Variants in CMTM8 observed in about 807,000 individuals in gnomAD.
CMTM8 encodes CKLF-like MARVEL transmembrane domain-containing protein 8.
Under a neutral mutation model 18.6 loss-of-function variants are expected in CMTM8, and 12 were observed. The ratio of observed to expected loss-of-function variants is 0.65; its 90% CI spans 0.41 to 1.05. CMTM8 has a LOEUF of 1.05. CMTM8 is among the 50% of genes least tolerant of loss of function. The pLI, the probability that CMTM8 is intolerant of heterozygous loss-of-function variation, is 0.00. For synonymous variants in CMTM8, 87 were observed against 90.6 expected, an observed-to-expected ratio of 0.96 and a Z score of 0.23; for missense variants, 217 against 227.2, an observed-to-expected ratio of 0.95 and a Z score of 0.29.
chr3:32,331,563 AG>A (rs1217911826), intron 1 of CMTM8, among the ~76,000 whole-genome samples: 25 of 151,728 alleles, frequency 1.6e-4, no homozygotes, highest in African/African-American at 6.1e-4. Context: ...AAAAAAAAAA[AG>A]GATCTTGAGA....
In CMTM8 at chr3:32,239,091, T is replaced by C. The variant is rs371975324; in HGVS notation, c.119T>C (p.Leu40Pro). ...TACGACCGGGAGTTCCTCCGCACCC[T>C]GCCCGGCTTCCTCATCGTGGCCGAG... is the stretch of plus-strand genomic sequence containing the variant. The part of the protein sequence containing the change: ...FAYDREFLRT[L>P]PGFLIVAEIV... The change falls in exon 1 of 4, where the codon CTG (leucine) becomes CCG (proline). Residue 40 changes from leucine to proline, a missense_variant. Physicochemically the swap from Leu to Pro is moderately conservative, Grantham distance 98 (BLOSUM62 -3). Coordinates refer to ENST00000307526, the MANE Select transcript of CMTM8 (RefSeq NM_178868.5). 5 of 1,601,378 alleles carry C rather than the reference T, an allele frequency of 3.1e-6. No homozygotes were observed. Among genetic ancestry groups the C allele is most frequent in the East Asian group, 2.3e-5 (1 of 44,042 alleles).
intron 1 of CMTM8, among the ~76,000 whole-genome samples, chr3:32,239,382 G>T (rs1041602135): frequency 7.3e-6 from 1 of 136,902 alleles, no homozygotes; most frequent in African/African-American, 2.8e-5. Flanking sequence ...CGGTGGCGGC[G>T]GCAGATCCTG....
intron 2 of CMTM8, among the ~76,000 whole-genome samples, chr3:32,359,522 G>A (rs982916895): frequency 3.3e-5 from 5 of 152,138 alleles, no homozygotes; most frequent in Non-Finnish European, 7.3e-5. Flanking sequence ...CCCAGGAGAC[G>A]GAGGTTGTAA....
At chr3:32,345,184 T>A (rs978180933) in intron 1 of CMTM8, among the ~76,000 whole-genome samples, 6 of 152,010 alleles carry the variant, frequency 3.9e-5, no homozygotes, top group African/African-American at 1.4e-4. Context: ...TTTCTACAAG[T>A]TAAAAAATTA....
At chr3:32,283,790 G>A (rs929327810) in intron 1 of CMTM8, among the ~76,000 whole-genome samples, 3 of 152,168 alleles carry the variant, frequency 2.0e-5, no homozygotes, top group Non-Finnish European at 4.4e-5. Context: ...GGCAATCCAG[G>A]CAGGCACTCA....
At chr3:32,290,376 C>T (rs1702758919) in intron 1 of CMTM8, among the ~76,000 whole-genome samples, 1 of 152,218 alleles carries the variant, frequency 6.6e-6, no homozygotes, top group Non-Finnish European at 1.5e-5. Flanking sequence ...GTACCATTTT[C>T]ATGAATGGGA....
At chr3:32,240,583 G>A (rs2125525202) in intron 1 of CMTM8, among the ~76,000 whole-genome samples, 1 of 152,222 alleles carries the variant, frequency 6.6e-6, no homozygotes, top group South Asian at 2.1e-4. Context: ...TCTGTGTACT[G>A]CGCTTTTTCA....
At chr3:32,364,276 G>A (rs1392681431) in intron 2 of CMTM8, among the ~76,000 whole-genome samples, 9 of 152,172 alleles carry the variant, frequency 5.9e-5, no homozygotes, top group Non-Finnish European at 1.0e-4. Flanking sequence ...AGGCTGAGGC[G>A]GGTGGATCAT....
intron 1 of CMTM8, among the ~76,000 whole-genome samples, chr3:32,268,161 A>G (rs1702377006): frequency 6.6e-6 from 1 of 152,214 alleles, no homozygotes; most frequent in African/African-American, 2.4e-5. Flanking sequence ...TTATTGCAGC[A>G]CTATTCACAG....
chr3:32,319,069 TA>T (rs1440026743), intron 1 of CMTM8, among the ~76,000 whole-genome samples: 629 of 59,344 alleles, frequency 0.011, 12 homozygotes, highest in South Asian at 0.019. Context: ...TATATATATA[TA>T]TATATTTTTT....
intron 1 of CMTM8, among the ~76,000 whole-genome samples, chr3:32,276,824 G>A (rs1450399144): frequency 1.3e-5 from 2 of 152,098 alleles, no homozygotes; most frequent in African/African-American, 2.4e-5. Context: ...ATATCAAACT[G>A]AGGGATGCCT....
At chr3:32,289,795 C>T (rs1702748339) in intron 1 of CMTM8, among the ~76,000 whole-genome samples, 1 of 152,056 alleles carries the variant, frequency 6.6e-6, no homozygotes, top group South Asian at 2.1e-4. Flanking sequence ...CCCTGGAGGC[C>T]CTAACCAGTG....
At chr3:32,277,341 G>GT (rs978906290) in intron 1 of CMTM8, among the ~76,000 whole-genome samples, 1 of 151,766 alleles carries the variant, frequency 6.6e-6, no homozygotes, top group Non-Finnish European at 1.5e-5. Context: ...TGACTTAGAG[G>GT]TTTTGTCTGT....
intron 1 of CMTM8, among the ~76,000 whole-genome samples, chr3:32,335,764 A>G (rs905053209): frequency 6.6e-6 from 1 of 152,204 alleles, no homozygotes; most frequent in Non-Finnish European, 1.5e-5. Context: ...CAGAATTAAG[A>G]ATGGACATGA....
intron 1 of CMTM8, among the ~76,000 whole-genome samples, chr3:32,321,303 A>G (rs1044516173): frequency 5.3e-5 from 8 of 152,074 alleles, no homozygotes; most frequent in African/African-American, 1.9e-4. Flanking sequence ...GTAGAAAACC[A>G]TGGTGGGAAG....
At chr3:32,274,742 A>G (rs1341616766) in intron 1 of CMTM8, among the ~76,000 whole-genome samples, 1 of 152,226 alleles carries the variant, frequency 6.6e-6, no homozygotes, top group African/African-American at 2.4e-5. Flanking sequence ...CATATTACAT[A>G]TAGTCATCAT....
chr3:32,269,238 T>C (rs1702398280), intron 1 of CMTM8, among the ~76,000 whole-genome samples: 1 of 152,226 alleles, frequency 6.6e-6, no homozygotes, highest in Admixed American at 6.5e-5. Flanking sequence ...GAAATGTCTG[T>C]GTGCTTTGAA....
chr3:32,242,596 G>T (rs1045129646), intron 1 of CMTM8, among the ~76,000 whole-genome samples: 27 of 152,202 alleles, frequency 1.8e-4, no homozygotes, highest in African/African-American at 6.5e-4. Context: ...CCAAAGTTCT[G>T]GGATTATAGG....
At chr3:32,303,077 T>C (rs1400802315) in intron 1 of CMTM8, among the ~76,000 whole-genome samples, 1 of 152,228 alleles carries the variant, frequency 6.6e-6, no homozygotes, top group Non-Finnish European at 1.5e-5. Flanking sequence ...TGATCACTAT[T>C]ACATAAACTC....
Sources: allele counts gnomAD v4.1 joint callset (sites outside exome capture counted in the v4.1 genomes callset), GRCh38; gene constraint gnomAD v4.1.1; transcripts MANE v1.5; gene names NCBI Gene and HGNC (gene_info 2026-07-23, HGNC 2026-07-21).